ADGRL2: variants seen among roughly 807,000 people sequenced by gnomAD.
The protein encoded by ADGRL2 is calcium-independent alpha-latrotoxin receptor 2.
Under a neutral mutation model 157.4 loss-of-function variants are expected in ADGRL2, and 44 were observed. The observed-to-expected ratio is 0.28, with a 90% CI of 0.22 to 0.36. The LOEUF (loss-of-function observed/expected upper bound fraction) is 0.36. ADGRL2 is among the 10% of genes least tolerant of loss of function. The pLI, the probability that ADGRL2 is intolerant of heterozygous loss-of-function variation, is 1.00. For missense variants in ADGRL2, 1,510 were observed against 1,768.9 expected, an observed-to-expected ratio of 0.85 and a Z score of 2.63; for synonymous variants, 585 against 624.7, an observed-to-expected ratio of 0.94 and a Z score of 0.95.
rs377630683 is a variant in ADGRL2 at position 81,777,648 on chromosome 1, A to G, written c.-101+15796A>G. Among the ~76,000 whole-genome samples the G allele has an allele frequency of 6.6e-5, 10 of 152,174 alleles. No homozygotes were observed. The East Asian group carries it at 1.9e-3, about 29-fold the overall frequency. Reference sequence around the variant, plus strand: ...TGTCATGGCACATGCCTGTAGTCCCAGCTACCCAGGAGGCTGAGGTGAGAG... The same window carrying G: ...TGTCATGGCACATGCCTGTAGTCCCGGCTACCCAGGAGGCTGAGGTGAGAG... On this transcript the variant is annotated intron_variant, in intron 2 of 20. Coordinates refer to the ADGRL2 transcript ENST00000359929.
At chr1:81,486,185 A>C (rs1192797573) in intron 2 of ADGRL2, among the ~76,000 whole-genome samples, 2 of 152,202 alleles carry the variant, frequency 1.3e-5, no homozygotes, top group African/African-American at 4.8e-5. Context: ...CAGACAATGC[A>C]TGTGTGGTCA....
intron 2 of ADGRL2, among the ~76,000 whole-genome samples, chr1:81,453,914 GA>G (rs1358084488): frequency 2.0e-5 from 3 of 151,742 alleles, no homozygotes; most frequent in African/African-American, 7.3e-5. Flanking sequence ...GTTTTGGAAG[GA>G]AAAAAAATCT....
At chr1:81,349,380 A>G (rs571584815) in intron 1 of ADGRL2, among the ~76,000 whole-genome samples, 1 of 152,162 alleles carries the variant, frequency 6.6e-6, no homozygotes, top group African/African-American at 2.4e-5. Flanking sequence ...TAGGATGTAA[A>G]CTTTCTTGTT....
intron 1 of ADGRL2, among the ~76,000 whole-genome samples, chr1:81,381,503 G>A (rs2076344207): frequency 6.6e-6 from 1 of 152,102 alleles, no homozygotes; most frequent in African/African-American, 2.4e-5. Context: ...CTAGAGCCCA[G>A]GAGTTTGAGG....
intron 2 of ADGRL2, among the ~76,000 whole-genome samples, chr1:81,550,725 A>G (rs1385825734): frequency 6.6e-6 from 1 of 152,102 alleles, no homozygotes; most frequent in Non-Finnish European, 1.5e-5. Context: ...GGGTAAAGGT[A>G]TCATTTCCAA....
At chr1:81,491,171 TATA>T (rs1240283797) in intron 2 of ADGRL2, among the ~76,000 whole-genome samples, 1 of 145,320 alleles carries the variant, frequency 6.9e-6, no homozygotes, top group Non-Finnish European at 1.5e-5. Context: ...TGGACAAATA[TATA>T]ATGTTATGTG....
chr1:81,990,344 GGAAAGGAACAGAGACAGTAAT>G, intron 23 of ADGRL2, 26 bp from the exon 24 acceptor site: 1 of 1,565,512 alleles, frequency 6.4e-7, no homozygotes, highest in East Asian at 2.3e-5. Flanking sequence ...GAGTTTCTGT[GGAAAGGAACAGAGACAGTAAT>G]GATAACTCCC....
chr1:81,400,517 G>C (rs1423606296), intron 1 of ADGRL2, among the ~76,000 whole-genome samples: 1 of 152,150 alleles, frequency 6.6e-6, no homozygotes, highest in Non-Finnish European at 1.5e-5. Context: ...TGCTCTGGAG[G>C]TTTGGGCCTG....
At chr1:81,844,836 T>C (rs2092723907) in intron 2 of ADGRL2, among the ~76,000 whole-genome samples, 1 of 152,176 alleles carries the variant, frequency 6.6e-6, no homozygotes, top group South Asian at 2.1e-4. Flanking sequence ...CTTATCAGCA[T>C]GGGACTCTCC....
At chr1:81,987,425 G>C (rs1663493588) in intron 22 of ADGRL2, 2 of 843,070 alleles carry the variant, frequency 2.4e-6, no homozygotes, top group South Asian at 1.3e-5. Context: ...AGCTAATGAA[G>C]ATAATTTGGA....
intron 3 of ADGRL2, among the ~76,000 whole-genome samples, chr1:81,593,287 T>C (rs1170309743): frequency 2.6e-5 from 4 of 152,174 alleles, no homozygotes; most frequent in African/African-American, 4.8e-5. Context: ...TATTAAATAG[T>C]GTAATAACAA....
Position 81,314,904 on chromosome 1 carries a change from A to G in ADGRL2, c.-302+8395A>G, listed in dbSNP as rs111490975. 2.5e-3 allele frequency among the ~76,000 whole-genome samples: 378 copies of G among 152,302 alleles called. 2 individuals carry two copies. The highest frequency in any genetic ancestry group is 8.6e-3 in the African/African-American group (358 of 41,584). Reference sequence around the variant, plus strand: ...TAAAATGCTGAGTAAAATAATAAAAATTGATACATATATTGACATTTCAGT... The same window carrying G: ...TAAAATGCTGAGTAAAATAATAAAAGTTGATACATATATTGACATTTCAGT... On this transcript the variant is annotated intron_variant, in intron 1 of 24. Coordinates refer to the ADGRL2 transcript ENST00000370721.
At chr1:81,429,780 A>G (rs1232219928) in intron 1 of ADGRL2, among the ~76,000 whole-genome samples, 1 of 152,250 alleles carries the variant, frequency 6.6e-6, no homozygotes, top group Non-Finnish European at 1.5e-5. Context: ...AGAGCCTTCC[A>G]TATGCCAGGC....
At chr1:81,579,013 C>T (rs980556387) in intron 2 of ADGRL2, among the ~76,000 whole-genome samples, 1 of 152,170 alleles carries the variant, frequency 6.6e-6, no homozygotes, top group Non-Finnish European at 1.5e-5. Context: ...CTGCTCAGAA[C>T]AGTGTAGCCA....
chr1:81,688,295 A>G (rs533020214), intron 3 of ADGRL2, among the ~76,000 whole-genome samples: 1 of 152,232 alleles, frequency 6.6e-6, no homozygotes, highest in South Asian at 2.1e-4. Context: ...CTTCTTCCTC[A>G]GGAAAACCAA....
At chr1:81,312,490 G>A (rs1659823988) in intron 1 of ADGRL2, among the ~76,000 whole-genome samples, 1 of 152,170 alleles carries the variant, frequency 6.6e-6, no homozygotes, top group South Asian at 2.1e-4. Context: ...CCTTCTGGGT[G>A]CCAGGGCCCA....
At chr1:81,656,599 C>T (rs898900788) in intron 3 of ADGRL2, among the ~76,000 whole-genome samples, 11 of 152,142 alleles carry the variant, frequency 7.2e-5, no homozygotes, top group African/African-American at 2.4e-4. Context: ...AATTTTCACT[C>T]TGCTATCTAC....
intron 2 of ADGRL2, among the ~76,000 whole-genome samples, chr1:81,871,848 T>G (rs2093703705): frequency 6.6e-6 from 1 of 152,160 alleles, no homozygotes; most frequent in Admixed American, 6.5e-5. Context: ...GTCAGATGGG[T>G]AGATTGCAAA....
intron 1 of ADGRL2, among the ~76,000 whole-genome samples, chr1:81,829,157 C>T (rs924306138): frequency 6.6e-6 from 1 of 152,140 alleles, no homozygotes; most frequent in South Asian, 2.1e-4. Context: ...GGCAATCCAC[C>T]TGCCTTGGCC....
Sources: allele counts gnomAD v4.1 joint callset (sites outside exome capture counted in the v4.1 genomes callset), GRCh38; gene constraint gnomAD v4.1.1; transcripts MANE v1.5; gene names NCBI Gene and HGNC (gene_info 2026-07-23, HGNC 2026-07-21).